VPS8: variants seen among roughly 807,000 people sequenced by gnomAD.
VPS8 encodes the protein VPS8 subunit of CORVET complex.
Under a neutral mutation model 216.4 loss-of-function variants are expected in VPS8, and 129 were observed. The observed-to-expected ratio is 0.60, with a 90% CI of 0.52 to 0.69. The LOEUF (loss-of-function observed/expected upper bound fraction) is 0.69, where lower values mean the gene tolerates loss of function less well. Ranked by LOEUF, VPS8 falls within the 30% of genes least tolerant of loss-of-function variation. The pLI is 0.00. For missense variants in VPS8, 1,531 were observed against 1,683.5 expected, an observed-to-expected ratio of 0.91 and a Z score of 1.59; for synonymous variants, 571 against 565.4, an observed-to-expected ratio of 1.01 and a Z score of -0.14.
intron 36 of VPS8, 25 bp downstream of exon 36, chr3:184,940,268 C>CGTT (rs1742421639): frequency 2.0e-5 from 14 of 692,186 alleles, no homozygotes; most frequent in Non-Finnish European, 2.6e-5. Context: ...TTTAGTCTTT[C>CGTT]ATTATATATA....
At chr3:184,839,211 T>C (rs868315808) in intron 6 of VPS8, 35 of 176,802 alleles carry the variant, frequency 2.0e-4, no homozygotes, top group Non-Finnish European at 3.9e-4. Context: ...TCTCTCTTCT[T>C]GTCTTCCTCC....
At chr3:184,816,207 C>T (rs1040425859) in intron 1 of VPS8, 1 of 152,088 alleles carries the variant, frequency 6.6e-6, no homozygotes, top group Non-Finnish European at 1.5e-5. Flanking sequence ...TAAAACTGAT[C>T]AATAAAGTTA....
At chr3:184,954,230 T>C (rs1745197512) in intron 36 of VPS8, among the ~76,000 whole-genome samples, 1 of 152,198 alleles carries the variant, frequency 6.6e-6, no homozygotes, top group African/African-American at 2.4e-5. Context: ...CAGTGCACAC[T>C]GCCCTCCAGG....
intron 3 of VPS8, among the ~76,000 whole-genome samples, chr3:184,830,656 A>G (rs1352261877): frequency 2.0e-5 from 3 of 151,940 alleles, no homozygotes; most frequent in East Asian, 3.9e-4. Context: ...CATCTGATCC[A>G]TTTTCTTTAA....
intron 25 of VPS8, among the ~76,000 whole-genome samples, chr3:184,903,264 G>A (rs1362839049): frequency 6.6e-6 from 1 of 151,948 alleles, no homozygotes; most frequent in African/African-American, 2.4e-5. Context: ...GGTTTATCTA[G>A]TACAGATTCT....
chr3:184,955,029 G>A (rs141899716), intron 36 of VPS8, among the ~76,000 whole-genome samples: 1 of 152,314 alleles, frequency 6.6e-6, no homozygotes, highest in African/African-American at 2.4e-5. Context: ...CCACATAAGG[G>A]CCGCTTGAGG....
chr3:184,955,966 A>AG (rs1560853254), intron 36 of VPS8, among the ~76,000 whole-genome samples: 2 of 18,928 alleles, frequency 1.1e-4, no homozygotes, highest in African/African-American at 5.1e-4. Context: ...GTTATAAGAT[A>AG]CAAAAAAAAA....
intron 17 of VPS8, 145 bp from the exon 18 acceptor site, chr3:184,867,879 G>A (rs374290381): frequency 4.0e-6 from 3 of 752,160 alleles, no homozygotes; most frequent in East Asian, 3.0e-5. Flanking sequence ...AGACCCATTA[G>A]TAAATTCTAA....
intron 35 of VPS8, among the ~76,000 whole-genome samples, chr3:184,938,868 A>C (rs966895649): frequency 6.6e-6 from 1 of 151,728 alleles, no homozygotes; most frequent in African/African-American, 2.4e-5. Context: ...TCTCTACAAA[A>C]AAATCCAGAA....
intron 1 of VPS8, among the ~76,000 whole-genome samples, chr3:184,821,470 A>G (rs1336758311): frequency 6.6e-6 from 1 of 151,670 alleles, no homozygotes; most frequent in Non-Finnish European, 1.5e-5. Context: ...CAGCCTCCTG[A>G]GTAGCTGGGA....
chr3:184,904,909 G>A (rs1735214661), intron 25 of VPS8, among the ~76,000 whole-genome samples: 1 of 152,126 alleles, frequency 6.6e-6, no homozygotes. Context: ...ACCTAAGACT[G>A]GGTAATTTAT....
intron 21 of VPS8, among the ~76,000 whole-genome samples, chr3:184,871,858 G>C (rs1395900050): frequency 1.3e-5 from 2 of 152,128 alleles, no homozygotes; most frequent in Non-Finnish European, 2.9e-5. Flanking sequence ...TGGAAGACAA[G>C]AATAGATATG....
At chr3:184,826,854 A>G (rs1186631460) in intron 3 of VPS8, among the ~76,000 whole-genome samples, 1 of 152,216 alleles carries the variant, frequency 6.6e-6, no homozygotes, top group Non-Finnish European at 1.5e-5. Context: ...AAAGTTTTTC[A>G]GAGTTTTGAA....
intron 26 of VPS8, among the ~76,000 whole-genome samples, chr3:184,914,042 C>T (rs1260776450): frequency 2.0e-5 from 3 of 152,170 alleles, no homozygotes; most frequent in Non-Finnish European, 2.9e-5. Context: ...GAATGTTTAT[C>T]TCCTGACTCC....
chr3:184,929,697 TACTC>T, intron 33 of VPS8, 33 bp downstream of exon 33: 1 of 1,313,824 alleles, frequency 7.6e-7, no homozygotes, highest in South Asian at 1.5e-5. Context: ...TCTTTTTTCT[TACTC>T]AACTTTCCCT....
chr3:184,872,286 G>C (rs1482984998), intron 21 of VPS8, among the ~76,000 whole-genome samples: 2 of 152,090 alleles, frequency 1.3e-5, no homozygotes, highest in Non-Finnish European at 2.9e-5. Flanking sequence ...GAGTGTGTAT[G>C]TGTGTGTGGA....
intron 36 of VPS8, among the ~76,000 whole-genome samples, chr3:184,950,590 T>A (rs1209311508): frequency 6.6e-6 from 1 of 152,182 alleles, no homozygotes; most frequent in Non-Finnish European, 1.5e-5. Flanking sequence ...TGTTATTTAT[T>A]TTTTAATTTT....
intron 35 of VPS8, 56 bp downstream of exon 35, chr3:184,936,391 A>T: frequency 7.0e-7 from 1 of 1,427,156 alleles, no homozygotes; most frequent in Admixed American, 2.0e-5. Flanking sequence ...ACAATTATTA[A>T]ATCGTCACCT....
At chr3:185,003,691 G>A (rs1335112716) in intron 45 of VPS8, among the ~76,000 whole-genome samples, 2 of 151,916 alleles carry the variant, frequency 1.3e-5, no homozygotes, top group African/African-American at 2.4e-5. Flanking sequence ...ACGGTGTGGT[G>A]GCCGGGCAGA....
Sources: allele counts gnomAD v4.1 joint callset (sites outside exome capture counted in the v4.1 genomes callset), GRCh38; gene constraint gnomAD v4.1.1; transcripts MANE v1.5; gene names NCBI Gene and HGNC (gene_info 2026-07-23, HGNC 2026-07-21).